KLHL32: variants seen among roughly 807,000 people sequenced by gnomAD.
KLHL32 encodes the protein kelch like family member 32.
Under a neutral mutation model 64.8 loss-of-function variants are expected in KLHL32, and 35 were observed. The observed-to-expected ratio is 0.54, with a 90% CI of 0.41 to 0.72. The LOEUF (loss-of-function observed/expected upper bound fraction) is 0.72, where lower values mean the gene tolerates loss of function less well. KLHL32 is among the 30% of genes least tolerant of loss of function. The pLI is 0.00. For missense variants in KLHL32, 589 were observed against 768.5 expected, an observed-to-expected ratio of 0.77 and a Z score of 2.76; for synonymous variants, 259 against 281.0, an observed-to-expected ratio of 0.92 and a Z score of 0.78.
chr6:96,929,702 C>A (rs944504556), intron 1 of KLHL32, among the ~76,000 whole-genome samples: 1 of 152,134 alleles, frequency 6.6e-6, no homozygotes. Context: ...ATTTCGTATA[C>A]ACATTGCAAT....
chr6:96,916,941 A>G, the KLHL32 span, among the ~76,000 whole-genome samples: 1 of 152,182 alleles, frequency 6.6e-6, no homozygotes, highest in Non-Finnish European at 1.5e-5. Context: ...AAATGCATAA[A>G]ACACAAATAT....
At chr6:96,903,782 T>C in the KLHL32 span, among the ~76,000 whole-genome samples, 1 of 152,114 alleles carries the variant, frequency 6.6e-6, no homozygotes, top group Non-Finnish European at 1.5e-5. Context: ...AAAAATACAT[T>C]TAGCTAACAG....
At chr6:96,961,388 A>G (rs1456293289) in intron 1 of KLHL32, among the ~76,000 whole-genome samples, 3 of 152,170 alleles carry the variant, frequency 2.0e-5, no homozygotes, top group Non-Finnish European at 4.4e-5. Flanking sequence ...AATTTTTGGT[A>G]TCTTATGTTT....
At chr6:97,086,514 T>A (rs915414140) in intron 6 of KLHL32, among the ~76,000 whole-genome samples, 1 of 152,204 alleles carries the variant, frequency 6.6e-6, no homozygotes, top group Non-Finnish European at 1.5e-5. Context: ...TATCACTGCA[T>A]GTACCAGATG....
chr6:97,072,515 AT>A (rs966744727), intron 5 of KLHL32, among the ~76,000 whole-genome samples: 2 of 150,126 alleles, frequency 1.3e-5, no homozygotes, highest in African/African-American at 4.9e-5. Context: ...ACTCCTTTTA[AT>A]TTGGTACACA....
intron 5 of KLHL32, among the ~76,000 whole-genome samples, chr6:97,082,029 A>T (rs1195193226): frequency 6.6e-6 from 1 of 152,226 alleles, no homozygotes; most frequent in Non-Finnish European, 1.5e-5. Flanking sequence ...TATCAGACTT[A>T]TCAGTGGGTT....
At chr6:96,993,689 C>T (rs1490427129) in intron 3 of KLHL32, among the ~76,000 whole-genome samples, 2 of 152,146 alleles carry the variant, frequency 1.3e-5, no homozygotes, top group East Asian at 3.8e-4. Flanking sequence ...CAGGCTACCA[C>T]ACTGTTATAG....
At chr6:97,100,666 C>A (rs774480623) in intron 6 of KLHL32, among the ~76,000 whole-genome samples, 69 of 152,190 alleles carry the variant, frequency 4.5e-4, no homozygotes, top group Non-Finnish European at 8.4e-4. Context: ...AGGGATCTGA[C>A]TGTCCCTATG....
At chr6:97,057,184 T>A (rs1359578641) in intron 4 of KLHL32, among the ~76,000 whole-genome samples, 19 of 99,624 alleles carry the variant, frequency 1.9e-4, no homozygotes, top group South Asian at 6.3e-4. Context: ...TTTTTTTTTT[T>A]TTTTTTTTTT....
At chr6:96,943,145 C>T (rs1335749564) in intron 1 of KLHL32, among the ~76,000 whole-genome samples, 1 of 151,978 alleles carries the variant, frequency 6.6e-6, no homozygotes, top group Non-Finnish European at 1.5e-5. Context: ...CATATGCACA[C>T]ACATATATAC....
In KLHL32 at chr6:97,114,395, C is replaced by T. The variant is rs1797597364; in HGVS notation, c.1240C>T (p.Pro414Ser). Residue 414 changes from proline to serine, a missense_variant, in exon 7 of 11, where the codon CCT becomes TCT. Transcript: ENST00000369261. ...GGRNELRQVL[P>S]TVERYCPKKN... ...CAGAAATGAACTGCGCCAGGTTCTG[C>T]CTACAGTTGAGCGATATTGCCCCAA... The T allele has an allele frequency of 1.2e-6, 2 of 1,614,186 alleles. No individual in the cohort carries two copies. Among genetic ancestry groups the T allele is most frequent in the South Asian group, 1.1e-5 (1 of 91,084 alleles).
intron 1 of KLHL32, among the ~76,000 whole-genome samples, chr6:96,965,670 A>G (rs1438086020): frequency 6.6e-6 from 1 of 152,162 alleles, no homozygotes; most frequent in Non-Finnish European, 1.5e-5. Context: ...TTTATAACCT[A>G]GATTCTGAAA....
chr6:97,128,181 T>A (rs1331813822), intron 8 of KLHL32, among the ~76,000 whole-genome samples: 1 of 152,206 alleles, frequency 6.6e-6, no homozygotes, highest in Non-Finnish European at 1.5e-5. Context: ...ACACAACAGG[T>A]TGGCTTTGGC....
chr6:96,979,494 T>C (rs543579104), intron 3 of KLHL32, among the ~76,000 whole-genome samples: 6 of 152,348 alleles, frequency 3.9e-5, no homozygotes, highest in African/African-American at 1.4e-4. Context: ...TCCATTTGTC[T>C]ATGTGCCTGT....
chr6:97,019,513 C>T (rs1582732669), intron 3 of KLHL32, among the ~76,000 whole-genome samples: 3 of 152,154 alleles, frequency 2.0e-5, no homozygotes, highest in Admixed American at 1.3e-4. Flanking sequence ...TGTGGGACTT[C>T]GGGTGAAGCA....
intron 3 of KLHL32, among the ~76,000 whole-genome samples, chr6:97,003,038 A>G (rs1049021367): frequency 6.6e-6 from 1 of 152,182 alleles, no homozygotes; most frequent in Non-Finnish European, 1.5e-5. Context: ...ATTGCGGGTC[A>G]AATGGTAGTT....
chr6:96,918,978 C>T, the KLHL32 span, among the ~76,000 whole-genome samples: 1 of 152,156 alleles, frequency 6.6e-6, no homozygotes, highest in East Asian at 1.9e-4. Flanking sequence ...AAGAGAACTT[C>T]ACTCTTCCTT....
At position 97,126,691 on chromosome 6, in the gene KLHL32, A is replaced by G. The variant is rs566572875; in HGVS notation, c.1355-713A>G. Among the ~76,000 whole-genome samples the G allele has an allele frequency of 2.6e-5, 4 of 152,318 alleles. No individual in the cohort carries two copies. The East Asian group carries it at 7.7e-4, about 29-fold the overall frequency. On this transcript the variant is annotated intron_variant, in intron 7 of 10. Coordinates refer to ENST00000369261, the MANE Select transcript of KLHL32 (RefSeq NM_052904.4). ...ATCTGTACTGAGATGCGTTGTGTCA[A>G]ATATACACTGGCTTTTGAAGACTTA...
intron 1 of KLHL32, among the ~76,000 whole-genome samples, chr6:96,937,300 AT>A (rs1405473795): frequency 6.6e-6 from 1 of 152,188 alleles, no homozygotes. Flanking sequence ...TGTTCTAGAC[AT>A]TGGCATATTT....
Sources: gnomAD v4.1 joint callset for allele counts (sites outside exome capture counted in the v4.1 genomes callset) on GRCh38, gnomAD v4.1.1 for gene constraint, MANE v1.5 for transcripts, NCBI Gene and HGNC (gene_info 2026-07-23, HGNC 2026-07-21) for gene names.